The following NIPA1 variants were observed in gnomAD, a reference collection of about 807,000 sequenced individuals.
NIPA1 encodes the protein NIPA magnesium transporter 1.
Under a neutral mutation model 23.9 loss-of-function variants are expected in NIPA1, and 13 were observed. The ratio of observed to expected loss-of-function variants is 0.54; its 90% CI spans 0.35 to 0.87. The LOEUF (loss-of-function observed/expected upper bound fraction) is 0.87. Ranked by LOEUF, NIPA1 falls within the 40% of genes least tolerant of loss-of-function variation. The pLI is 0.01. For missense variants in NIPA1, 362 were observed against 429.7 expected (o/e 0.84, Z 1.39); for synonymous variants, 234 against 202.9 (o/e 1.15, Z -1.30).
intron 1 of NIPA1, among the ~76,000 whole-genome samples, chr15:22,797,720 C>G (rs1316484973): frequency 6.6e-6 from 1 of 151,816 alleles, no homozygotes; most frequent in Non-Finnish European, 1.5e-5. Flanking sequence ...CTAGGCTGGT[C>G]TTGAACTCCT....
At chr15:22,809,735 A>G (rs1408270006) in intron 1 of NIPA1, among the ~76,000 whole-genome samples, 1 of 132,576 alleles carries the variant, frequency 7.5e-6, no homozygotes, top group African/African-American at 3.2e-5. Context: ...ACAGAGTGAG[A>G]CTCTGTCTGA....
intron 1 of NIPA1, among the ~76,000 whole-genome samples, chr15:22,806,975 A>T (rs1011724948): frequency 2.6e-5 from 4 of 151,912 alleles, no homozygotes; most frequent in African/African-American, 4.8e-5. Flanking sequence ...ATGGAGAAAA[A>T]CCTGACTTGC....
At chr15:22,789,086 G>A (rs1036963472) in intron 1 of NIPA1, among the ~76,000 whole-genome samples, 2 of 150,940 alleles carry the variant, frequency 1.3e-5, no homozygotes, top group South Asian at 2.1e-4. Flanking sequence ...TCTGCCTCCC[G>A]GGTTCAAGCG....
At chr15:22,790,496 A>G (rs1321345792) in intron 1 of NIPA1, among the ~76,000 whole-genome samples, 1 of 147,946 alleles carries the variant, frequency 6.8e-6, no homozygotes, top group Non-Finnish European at 1.5e-5. Context: ...ATCTCACTGC[A>G]ACTTCCACCT....
intron 1 of NIPA1, among the ~76,000 whole-genome samples, chr15:22,807,724 GA>G (rs1895237254): frequency 6.6e-6 from 1 of 151,898 alleles, no homozygotes; most frequent in African/African-American, 2.4e-5. Context: ...AATCAGGAAT[GA>G]AAAAGGAGAT....
intron 1 of NIPA1, among the ~76,000 whole-genome samples, chr15:22,789,742 A>G (rs1894790522): frequency 6.6e-6 from 1 of 152,142 alleles, no homozygotes; most frequent in Admixed American, 6.6e-5. Flanking sequence ...AGAAGAAAGA[A>G]TTTGGCTGAG....
chr15:22,811,944 G>A (rs1233937140), intron 2 of NIPA1, among the ~76,000 whole-genome samples: 1 of 152,218 alleles, frequency 6.6e-6, no homozygotes, highest in Non-Finnish European at 1.5e-5. Flanking sequence ...GCATTTCCAT[G>A]GAGGGCTGAA....
intron 1 of NIPA1, among the ~76,000 whole-genome samples, chr15:22,806,904 A>G (rs909278249): frequency 2.6e-5 from 4 of 152,192 alleles, no homozygotes; most frequent in African/African-American, 7.2e-5. Context: ...CGAGGCTCTC[A>G]GGGACCATGT....
At chr15:22,823,014 GT>G (rs1214506141) in intron 4 of NIPA1, among the ~76,000 whole-genome samples, 3 of 135,686 alleles carry the variant, frequency 2.2e-5, no homozygotes, top group African/African-American at 8.3e-5. Context: ...TGCCTCCCGG[GT>G]TCAAGCGATT....
chr15:22,796,442 T>A (rs1448393105), intron 1 of NIPA1, among the ~76,000 whole-genome samples: 1 of 151,738 alleles, frequency 6.6e-6, no homozygotes, highest in Non-Finnish European at 1.5e-5. Context: ...TAAATGTAAT[T>A]TATATTTATA....
chr15:22,800,417 T>C (rs1489801233), intron 1 of NIPA1, among the ~76,000 whole-genome samples: 2 of 152,160 alleles, frequency 1.3e-5, no homozygotes, highest in Non-Finnish European at 2.9e-5. Flanking sequence ...TTGCAAGTTT[T>C]GCCCAGTTCA....
At chr15:22,807,782 T>TTGTGTGTGTGTGTGTGTGTGTGTG (rs71117484) in intron 1 of NIPA1, among the ~76,000 whole-genome samples, 7,172 of 145,794 alleles carry the variant, frequency 0.049, 226 homozygotes, top group Non-Finnish European at 0.063. Context: ...TTAAATTCAC[T>TTGTGTGTGTGTGTGTGTGTGTGTG]TGTGTGTGTG....
chr15:22,814,053 C>A, intron 3 of NIPA1: 1 of 1,167,412 alleles, frequency 8.6e-7, no homozygotes, highest in Non-Finnish European at 1.1e-6. Context: ...AGTCACTTCA[C>A]CAGAAATGTT....
chr15:22,819,447 A>G (rs755349251), intron 3 of NIPA1: 1 of 152,164 alleles, frequency 6.6e-6, no homozygotes, highest in African/African-American at 2.4e-5. Flanking sequence ...TTGTATACTG[A>G]TAATTACACA....
intron 1 of NIPA1, 35 bp downstream of exon 1, chr15:22,786,869 G>T (rs752167981): frequency 2.1e-6 from 2 of 940,496 alleles, no homozygotes; most frequent in Non-Finnish European, 2.7e-6. Flanking sequence ...CGGCGGGCGG[G>T]TGGGGGAGGC....
intron 1 of NIPA1, among the ~76,000 whole-genome samples, chr15:22,807,420 T>C (rs903602621): frequency 6.6e-6 from 1 of 151,974 alleles, no homozygotes; most frequent in African/African-American, 2.4e-5. Context: ...CAAACCATGT[T>C]CATTACAATA....
chr15:22,812,271 G>A lies in NIPA1; in HGVS notation c.317+18G>A. 6.4e-7 allele frequency: 1 copy of A among 1,568,478 alleles called. No homozygotes were observed. Among genetic ancestry groups the A allele is most frequent in the South Asian group, 1.1e-5 (1 of 90,116 alleles). Reference sequence around the variant, plus strand: ...CCGTTCGGGTGAGAGCCAAGATTGTGTTTGGTATTTAATGTGTAGTGTAGA... The same window carrying A: ...CCGTTCGGGTGAGAGCCAAGATTGTATTTGGTATTTAATGTGTAGTGTAGA... On this transcript the variant is annotated intron_variant, in intron 3 of 4. Coordinates refer to ENST00000337435, the MANE Select transcript of NIPA1 (RefSeq NM_144599.5).
intron 1 of NIPA1, among the ~76,000 whole-genome samples, chr15:22,790,206 C>T (rs985488526): frequency 1.3e-5 from 2 of 152,120 alleles, no homozygotes; most frequent in Non-Finnish European, 2.9e-5. Flanking sequence ...TCATACTTCC[C>T]CAGTGACCAC....
At chr15:22,798,490 C>T (rs1326559605) in intron 1 of NIPA1, among the ~76,000 whole-genome samples, 2 of 148,578 alleles carry the variant, frequency 1.3e-5, no homozygotes, top group East Asian at 2.1e-4. Context: ...CTGCCTGCCT[C>T]GGCCTCCCTA....
Sources: gnomAD v4.1 joint callset for allele counts (sites outside exome capture counted in the v4.1 genomes callset) on GRCh38, gnomAD v4.1.1 for gene constraint, MANE v1.5 for transcripts, NCBI Gene and HGNC (gene_info 2026-07-23, HGNC 2026-07-21) for gene names.